Variants in PGPEP1 observed in about 807,000 individuals in gnomAD.
PGPEP1 encodes pyroglutamyl-peptidase 1.
In PGPEP1, 15 loss-of-function variants were observed where a neutral mutation model predicts 24.1. The ratio of observed to expected loss-of-function variants is 0.62; its 90% CI spans 0.42 to 0.96. The LOEUF (loss-of-function observed/expected upper bound fraction) is 0.96, where lower values mean the gene tolerates loss of function less well. PGPEP1 is among the 40% of genes least tolerant of loss of function. The pLI, the probability that PGPEP1 is intolerant of heterozygous loss-of-function variation, is 0.00. For missense variants in PGPEP1, 242 were observed against 273.4 expected, an observed-to-expected ratio of 0.89 and a Z score of 0.81; for synonymous variants, 122 against 116.4, an observed-to-expected ratio of 1.05 and a Z score of -0.31.
At chr19:18,345,086 C>T (rs570722462) in intron 2 of PGPEP1, among the ~76,000 whole-genome samples, 5 of 152,080 alleles carry the variant, frequency 3.3e-5, no homozygotes, top group Admixed American at 2.0e-4. Flanking sequence ...CTTCAACTTC[C>T]GCCTCCTGGG....
intron 4 of PGPEP1, among the ~76,000 whole-genome samples, chr19:18,362,938 C>T (rs752842881): frequency 1.1e-4 from 16 of 152,184 alleles, no homozygotes; most frequent in Non-Finnish European, 2.2e-4. Context: ...GCCTTCCACA[C>T]GGGGACAACC....
chr19:18,365,585 C>T lies in PGPEP1; in HGVS notation c.*2002C>T, dbSNP rs1971518509. ...CTCGAACTCCTGGACTCAAACTGATCCTCCTTTCTCGGCCTCCCAAAGTGC... is the reference window on the plus strand; with the variant it reads ...CTCGAACTCCTGGACTCAAACTGATTCTCCTTTCTCGGCCTCCCAAAGTGC... On this transcript the variant is annotated 3_prime_UTR_variant, in exon 5 of 5. Coordinates refer to ENST00000269919, the MANE Select transcript of PGPEP1 (RefSeq NM_017712.4). The T allele has an allele frequency of 6.6e-6, 1 of 152,240 alleles. No homozygotes were observed. The highest frequency in any genetic ancestry group is 6.6e-5 in the Admixed American group (1 of 15,264). 9.4% of individuals were successfully genotyped at this position (152,240 alleles called of 1,614,324 possible).
intron 2 of PGPEP1, among the ~76,000 whole-genome samples, chr19:18,347,606 C>A (rs1156265386): frequency 1.3e-5 from 2 of 150,740 alleles, no homozygotes; most frequent in African/African-American, 4.9e-5. Context: ...CTGTTTCTCT[C>A]TGACTCCATC....
At chr19:18,357,278 C>G in intron 3 of PGPEP1, 105 bp from the exon 4 acceptor site, 1 of 756,628 alleles carries the variant, frequency 1.3e-6, no homozygotes, top group Admixed American at 2.3e-5. Context: ...ACAACACAAC[C>G]CCAGGCAGAG....
At chr19:18,342,083 A>G (rs1212789264) in intron 1 of PGPEP1, among the ~76,000 whole-genome samples, 1 of 151,864 alleles carries the variant, frequency 6.6e-6, no homozygotes, top group Non-Finnish European at 1.5e-5. Context: ...AATTTTTTGT[A>G]TTTTTAGTAG....
chr19:18,347,614 A>C (rs1600199376), intron 2 of PGPEP1, among the ~76,000 whole-genome samples: 3 of 136,258 alleles, frequency 2.2e-5, no homozygotes, highest in African/African-American at 5.5e-5. Flanking sequence ...CTCTGACTCC[A>C]TCTCTCTGTC....
intron 2 of PGPEP1, among the ~76,000 whole-genome samples, chr19:18,344,780 C>CG (rs1007702864): frequency 6.6e-6 from 1 of 152,110 alleles, no homozygotes; most frequent in African/African-American, 2.4e-5. Flanking sequence ...GGAGCCTTCA[C>CG]GGGGCTGAGT....
Position 18,355,945 on chromosome 19 carries a change from G to C in PGPEP1, c.138G>C (p.Glu46Asp), listed in dbSNP as rs148399032. Residue 46 changes from glutamate to aspartate, a missense_variant, in exon 3 of 5, where the codon GAG (glutamate) becomes GAC (aspartate). By Grantham distance (45) the Glu-to-Asp change is conservative. Coordinates refer to ENST00000269919, the MANE Select transcript of PGPEP1 (RefSeq NM_017712.4). ...LGDSVDLHVY[E>D]IPVEYQTVQR... ...ACAGCGTGGACCTGCATGTGTACGA[G>C]ATTCCGGTTGAGTACCAAACAGTCC... 2 of 1,613,612 alleles carry C rather than the reference G, an allele frequency of 1.2e-6. No individual in the cohort carries two copies. Among genetic ancestry groups the C allele is most frequent in the African/African-American group, 2.7e-5 (2 of 74,928 alleles).
chr19:18,361,966 G>A, intron 4 of PGPEP1: 1 of 842,740 alleles, frequency 1.2e-6, no homozygotes, highest in Non-Finnish European at 1.4e-6. Context: ...CCATGGTGTG[G>A]ATAAACCAGA....
rs765488934 is a variant in PGPEP1 at position 18,364,016 on chromosome 19, C to G, written c.*433C>G. ...ATTTAAAAGCCTCTCAATGCGTCCT[C>G]GACCTTGAACTGTGCTCAACAGCCT... is the stretch of plus-strand genomic sequence containing the variant. On this transcript the variant is annotated 3_prime_UTR_variant, in exon 5 of 5. Coordinates refer to ENST00000269919, the MANE Select transcript of PGPEP1 (RefSeq NM_017712.4). 1 of 156,860 alleles carries G rather than the reference C, an allele frequency of 6.4e-6. No homozygotes were observed. Among genetic ancestry groups the G allele is most frequent in the Non-Finnish European group, 1.4e-5 (1 of 70,918 alleles). The allele number at this position is 156,860 out of a possible 1,614,324, so 9.7% of individuals were successfully genotyped here.
At chr19:18,352,253 C>T (rs1185856492) in intron 2 of PGPEP1, among the ~76,000 whole-genome samples, 1 of 68,932 alleles carries the variant, frequency 1.5e-5, no homozygotes, top group Non-Finnish European at 2.8e-5. Flanking sequence ...GGTGACAGAG[C>T]GAGACTCCGT....
At chr19:18,360,379 C>T (rs1278589832) in intron 4 of PGPEP1, among the ~76,000 whole-genome samples, 1 of 152,062 alleles carries the variant, frequency 6.6e-6, no homozygotes, top group Non-Finnish European at 1.5e-5. Context: ...TTTATTTTGA[C>T]AGGATCTCGT....
rs1568321269 is a variant in PGPEP1, at chr19:18,364,145, C to CTTTCTTTCTTTCTTTCTTTCT, written c.*563_*564insTTCTTTCTTTCTTTCTTTCTT. The stretch of plus-strand genomic sequence containing the variant: ...CTTTCTTTCTTGCTTTCTTTCTTCT[C>CTTTCTTTCTTTCTTTCTTTCT]TCTCTCTCTTTTTTTTTTTTTTTAA... On this transcript the variant is annotated 3_prime_UTR_variant, in exon 5 of 5. Transcript: ENST00000269919. 4.5e-5 allele frequency: 2 copies of CTTTCTTTCTTTCTTTCTTTCT among 44,074 alleles called. No individual in the cohort carries two copies. The highest frequency in any genetic ancestry group is 3.0e-4 in the African/African-American group (2 of 6,616). 2.7% of individuals were successfully genotyped at this position (44,074 alleles called of 1,614,324 possible). A position where few individuals can be genotyped will look rare whatever the true frequency, so the allele number is the denominator to read the frequency against.
At position 18,363,588 on chromosome 19, in the gene PGPEP1, C is replaced by G. The variant is rs372188696; in HGVS notation, c.*5C>G. On this transcript the variant is annotated 3_prime_UTR_variant, in exon 5 of 5. Coordinates refer to ENST00000269919, the MANE Select transcript of PGPEP1 (RefSeq NM_017712.4). ...AACTATTGCCACAAACACTGAGGGA[C>G]GCTCAGGTCTCCTAAGACCTCATCC... The G allele has an allele frequency of 1.2e-6, 2 of 1,609,412 alleles. No homozygotes were observed. The highest frequency in any genetic ancestry group is 1.3e-5 in the African/African-American group (1 of 74,866).
intron 2 of PGPEP1, among the ~76,000 whole-genome samples, chr19:18,350,234 A>T (rs1187359775): frequency 1.3e-5 from 2 of 152,050 alleles, no homozygotes. Context: ...CATGTTGGCC[A>T]GGCTGGTCTG....
chr19:18,361,847 T>A, intron 4 of PGPEP1: 1 of 985,386 alleles, frequency 1.0e-6, no homozygotes, highest in Non-Finnish European at 1.2e-6. Context: ...TCACACTTAC[T>A]GAGAATTCTC....
chr19:18,346,861 A>G (rs1420465519), intron 2 of PGPEP1, among the ~76,000 whole-genome samples: 1 of 150,762 alleles, frequency 6.6e-6, no homozygotes, highest in African/African-American at 2.4e-5. Context: ...GCTGGTCTTG[A>G]ACTCCCGACC....
At chr19:18,340,937 TG>T (rs951682149) in intron 1 of PGPEP1, among the ~76,000 whole-genome samples, 3 of 152,074 alleles carry the variant, frequency 2.0e-5, no homozygotes, top group African/African-American at 7.2e-5. Context: ...GCGCGGGGCT[TG>T]GGGGGCCGGG....
At chr19:18,340,763 CG>C in intron 1 of PGPEP1, 48 bp downstream of exon 1, 4 of 1,363,026 alleles carry the variant, frequency 2.9e-6, no homozygotes, top group South Asian at 3.3e-5. Context: ...GGGGCAGAGG[CG>C]GGGGCGGCTC....
Sources: gnomAD v4.1 joint callset for allele counts (sites outside exome capture counted in the v4.1 genomes callset) on GRCh38, gnomAD v4.1.1 for gene constraint, MANE v1.5 for transcripts, NCBI Gene and HGNC (gene_info 2026-07-23, HGNC 2026-07-21) for gene names.